PDE4D: variants seen among roughly 807,000 people sequenced by gnomAD.
PDE4D encodes the protein 3',5'-cyclic-AMP phosphodiesterase 4D.
In PDE4D, 24 loss-of-function variants were observed where a neutral mutation model predicts 87.4. That is an observed-to-expected ratio of 0.27 (90% CI 0.20 to 0.39). PDE4D has a LOEUF of 0.39. PDE4D is among the 10% of genes least tolerant of loss of function. The probability of loss-of-function intolerance (pLI) is 1.00; values close to 1 mark genes in which losing one functional copy is unlikely to be tolerated. For missense variants in PDE4D, 714 were observed against 1,041.0 expected, an observed-to-expected ratio of 0.69 and a Z score of 4.32; for synonymous variants, 384 against 383.2, an observed-to-expected ratio of 1.00 and a Z score of -0.02.
intron 2 of PDE4D, among the ~76,000 whole-genome samples, chr5:59,204,249 C>T (rs745876609): frequency 9.3e-5 from 14 of 150,166 alleles, no homozygotes; most frequent in Admixed American, 2.0e-4. Context: ...CTCATGTGTG[C>T]TCATATCACT....
chr5:60,263,141 T>C (rs1007730991), intron 1 of PDE4D, among the ~76,000 whole-genome samples: 4 of 152,186 alleles, frequency 2.6e-5, no homozygotes, highest in South Asian at 2.1e-4. Context: ...CAACCTCCAA[T>C]GGAGCCGCAA....
intron 1 of PDE4D, among the ~76,000 whole-genome samples, chr5:59,739,984 T>A (rs1348821590): frequency 6.6e-6 from 1 of 152,186 alleles, no homozygotes; most frequent in Non-Finnish European, 1.5e-5. Flanking sequence ...AAGGTTTGAA[T>A]CCTAATCACT....
chr5:59,905,644 T>C (rs7710463), intron 3 of PDE4D, among the ~76,000 whole-genome samples: 21,156 of 152,128 alleles, frequency 0.14, 1,715 homozygotes, highest in African/African-American at 0.23. Flanking sequence ...AACTTTGCAA[T>C]GTTACTGTAA....
At chr5:59,189,258 T>TTTG (rs1561663802) in intron 3 of PDE4D, among the ~76,000 whole-genome samples, 1 of 145,058 alleles carries the variant, frequency 6.9e-6, no homozygotes, top group African/African-American at 2.6e-5. Context: ...TTTTTGTTTT[T>TTTG]TTTTTTTTGA....
At chr5:59,083,565 C>T (rs1332619828) in intron 5 of PDE4D, among the ~76,000 whole-genome samples, 3 of 151,572 alleles carry the variant, frequency 2.0e-5, no homozygotes, top group Non-Finnish European at 2.9e-5. Context: ...ACTTGAATTG[C>T]ATTTTATCCA....
intron 5 of PDE4D, chr5:59,172,933 A>G (rs1396464119): frequency 6.6e-6 from 1 of 152,090 alleles, no homozygotes; most frequent in Non-Finnish European, 1.5e-5. Flanking sequence ...AATGATAAGT[A>G]ACATTTGTTG....
chr5:60,352,608 T>G (rs79122637), intron 1 of PDE4D, among the ~76,000 whole-genome samples: 1 of 152,222 alleles, frequency 6.6e-6, no homozygotes, highest in Admixed American at 6.5e-5. Context: ...TTTCAATCTC[T>G]AGTTTGAATG....
At chr5:60,507,447 T>C (rs1158653672) in intron 1 of PDE4D, among the ~76,000 whole-genome samples, 1 of 152,356 alleles carries the variant, frequency 6.6e-6, no homozygotes, top group South Asian at 2.1e-4. Context: ...AAAAATGCTA[T>C]AAATATCTTT....
intron 1 of PDE4D, among the ~76,000 whole-genome samples, chr5:60,255,399 C>T (rs1367997454): frequency 6.6e-6 from 1 of 151,836 alleles, no homozygotes; most frequent in Non-Finnish European, 1.5e-5. Flanking sequence ...TCAGAATACA[C>T]AAGGAATCCC....
chr5:60,075,406 G>C (rs982071161), intron 2 of PDE4D, among the ~76,000 whole-genome samples: 8 of 152,092 alleles, frequency 5.3e-5, no homozygotes, highest in Non-Finnish European at 5.9e-5. Flanking sequence ...CCCTTTGTAG[G>C]TGGCCTGTCC....
intron 1 of PDE4D, among the ~76,000 whole-genome samples, chr5:59,376,026 A>C (rs1784666337): frequency 6.6e-6 from 1 of 152,194 alleles, no homozygotes; most frequent in African/African-American, 2.4e-5. Context: ...TAGGTATTGA[A>C]GGAACAGCCC....
At chr5:59,412,115 G>T (rs13189127) in intron 1 of PDE4D, among the ~76,000 whole-genome samples, 3 of 152,068 alleles carry the variant, frequency 2.0e-5, no homozygotes, top group Non-Finnish European at 4.4e-5. Context: ...AACTTTTATA[G>T]GATACTTTAA....
chr5:60,496,609 A>G (rs528862759), intron 1 of PDE4D, among the ~76,000 whole-genome samples: 1 of 152,358 alleles, frequency 6.6e-6, no homozygotes, highest in Admixed American at 6.5e-5. Flanking sequence ...ATGACAAAAA[A>G]AAATCAAAAT....
chr5:60,472,911 T>C (rs554091622), intron 1 of PDE4D, among the ~76,000 whole-genome samples: 10 of 152,164 alleles, frequency 6.6e-5, no homozygotes, highest in Non-Finnish European at 1.5e-4. Flanking sequence ...TCTGAACACA[T>C]TCGAGGTAGG....
intron 1 of PDE4D, among the ~76,000 whole-genome samples, chr5:59,813,000 A>G (rs564047982): frequency 2.6e-5 from 4 of 152,352 alleles, no homozygotes; most frequent in East Asian, 3.9e-4. Context: ...TCTGATACCA[A>G]TAGGGTTGTT....
chr5:60,429,844 T>G (rs789390), intron 1 of PDE4D: 108,145 of 337,200 alleles, frequency 0.32, 17,982 homozygotes, highest in Non-Finnish European at 0.34. Context: ...GTTTTTTTTT[T>G]TTTGTTTTTT....
intron 2 of PDE4D, among the ~76,000 whole-genome samples, chr5:60,098,753 T>A (rs2149326701): frequency 6.6e-6 from 1 of 152,176 alleles, no homozygotes; most frequent in South Asian, 2.1e-4. Context: ...ATTTGGATAT[T>A]TTTTACTTCC....
chr5:59,963,810 T>C (rs1033447723), intron 3 of PDE4D, among the ~76,000 whole-genome samples: 1 of 152,148 alleles, frequency 6.6e-6, no homozygotes, highest in Admixed American at 6.6e-5. Flanking sequence ...GCTTGTTTCC[T>C]GCCTTGAGTT....
chr5:59,442,329 G>T lies in PDE4D; in HGVS notation c.456-226361C>A, dbSNP rs922079722. On this transcript the variant is annotated intron_variant, in intron 1 of 14. Transcript: ENST00000340635. The stretch of plus-strand genomic sequence containing the variant: ...TGAACACAGACTGGGGAATGAAAAT[G>T]TGGTTTGACAACATCCAAGTTTTCA... Among the ~76,000 whole-genome samples the T allele has an allele frequency of 2.0e-5, 3 of 152,152 alleles. No homozygotes were observed. The South Asian group carries it at 6.2e-4, about 31-fold the overall frequency.
Sources: gnomAD v4.1 joint callset for allele counts (sites outside exome capture counted in the v4.1 genomes callset) on GRCh38, gnomAD v4.1.1 for gene constraint, MANE v1.5 for transcripts, NCBI Gene and HGNC (gene_info 2026-07-23, HGNC 2026-07-21) for gene names.